The following TENM2 variants were observed in gnomAD, a reference collection of about 807,000 sequenced individuals.
TENM2 encodes the protein teneurin transmembrane protein 2.
In TENM2, 52 loss-of-function variants were observed where a neutral mutation model predicts 245.2. That is an observed-to-expected ratio of 0.21 (90% confidence interval 0.17 to 0.27). The LOEUF (loss-of-function observed/expected upper bound fraction) is 0.27. TENM2 is among the 10% of genes least tolerant of loss of function. The pLI is 1.00. For synonymous variants in TENM2, 1,363 were observed against 1,438.9 expected (o/e 0.95, Z 1.19); for missense variants, 3,046 against 3,666.8 (o/e 0.83, Z 4.37).
intron 2 of TENM2, among the ~76,000 whole-genome samples, chr5:167,382,281 T>G (rs569377524): frequency 6.6e-6 from 1 of 152,246 alleles, no homozygotes; most frequent in Admixed American, 6.5e-5. Context: ...CAGCAAATGG[T>G]TTATGGGGTC....
At chr5:167,856,155 G>A (rs1295017017) in intron 2 of TENM2, among the ~76,000 whole-genome samples, 1 of 152,076 alleles carries the variant, frequency 6.6e-6, no homozygotes, top group African/African-American at 2.4e-5. Flanking sequence ...AATGTGACCC[G>A]TTTTCTGGGA....
chr5:168,203,684 T>C lies in TENM2; in HGVS notation c.3431-5T>C, dbSNP rs139635908. 1.9e-6 allele frequency: 3 copies of C among 1,598,106 alleles called. No individual in the cohort carries two copies. The African/African-American group carries it at 4.0e-5, about 21-fold the overall frequency. The stretch of plus-strand genomic sequence containing the variant: ...TCACTCTGCCCCACCCCTTTTATCT[T>C]TCAGTGTCTGTCGGGTTTGAATATG... On this transcript the variant is annotated splice_region_variant and splice_polypyrimidine_tract_variant and intron_variant, in intron 17 of 28. Coordinates refer to ENST00000518659, the Ensembl canonical transcript of TENM2.
the TENM2 span, among the ~76,000 whole-genome samples, chr5:167,032,937 C>T: frequency 6.6e-6 from 1 of 152,114 alleles, no homozygotes; most frequent in Admixed American, 6.5e-5. Context: ...AAGGTTCCCA[C>T]AGATAAAATT....
chr5:168,200,705 A>G (rs977012234), intron 17 of TENM2, among the ~76,000 whole-genome samples: 4 of 152,196 alleles, frequency 2.6e-5, no homozygotes, highest in South Asian at 4.1e-4. Context: ...GTCACATGCT[A>G]TGTTCCAGGG....
At chr5:167,138,136 CAT>C in the TENM2 span, among the ~76,000 whole-genome samples, 2 of 152,200 alleles carry the variant, frequency 1.3e-5, no homozygotes, top group Non-Finnish European at 2.9e-5. Flanking sequence ...TCAAATCTCT[CAT>C]GTTTGCTTTC....
intron 2 of TENM2, among the ~76,000 whole-genome samples, chr5:167,809,375 C>A (rs1766462316): frequency 6.6e-6 from 1 of 152,074 alleles, no homozygotes; most frequent in Admixed American, 6.6e-5. Context: ...TATGTCATCC[C>A]ACCCATGGAT....
intron 1 of TENM2, among the ~76,000 whole-genome samples, chr5:167,350,253 T>C (rs1758743075): frequency 6.6e-6 from 1 of 152,154 alleles, no homozygotes; most frequent in Admixed American, 6.6e-5. Context: ...ATGGCAGTTA[T>C]TGGCATCAGC....
intron 2 of TENM2, among the ~76,000 whole-genome samples, chr5:167,552,032 G>A (rs983386351): frequency 2.0e-5 from 3 of 152,084 alleles, no homozygotes; most frequent in African/African-American, 7.2e-5. Context: ...GGTTTTCTGG[G>A]GAGAAAAAGC....
At chr5:167,909,985 G>T (rs1296198100) in intron 3 of TENM2, among the ~76,000 whole-genome samples, 1 of 151,194 alleles carries the variant, frequency 6.6e-6, no homozygotes, top group Non-Finnish European at 1.5e-5. Context: ...TTTTTGAAGG[G>T]CAGATTGGGC....
intron 2 of TENM2, among the ~76,000 whole-genome samples, chr5:167,736,120 G>A (rs1760779532): frequency 6.6e-6 from 1 of 152,112 alleles, no homozygotes; most frequent in Non-Finnish European, 1.5e-5. Context: ...AATCATGGTG[G>A]AAGGAGAAGC....
intron 1 of TENM2, among the ~76,000 whole-genome samples, chr5:167,339,229 A>G (rs1757956908): frequency 6.6e-6 from 1 of 152,198 alleles, no homozygotes; most frequent in African/African-American, 2.4e-5. Context: ...CTGCTGTAAC[A>G]CTGTGAAACC....
At chr5:167,609,695 T>C (rs755041915) in intron 2 of TENM2, among the ~76,000 whole-genome samples, 1 of 152,050 alleles carries the variant, frequency 6.6e-6, no homozygotes. Context: ...ATCCTTGCTA[T>C]ACTTTATTCT....
intron 2 of TENM2, among the ~76,000 whole-genome samples, chr5:167,662,428 T>A (rs1755274865): frequency 6.6e-6 from 1 of 152,156 alleles, no homozygotes; most frequent in African/African-American, 2.4e-5. Context: ...CTTAATAGAT[T>A]TTATGGTTAC....
rs143619154 is a variant in TENM2, at chr5:167,291,707, T to C, written c.226+6644T>C. On this transcript the variant is annotated intron_variant, in intron 1 of 28. Transcript: ENST00000518659. ...GTGCTTGGAGATAGCTTACAGTGAG[T>C]GCCTCCTAAACCTGATGGAATGAAT... Among the ~76,000 whole-genome samples, 8 of 152,302 alleles carry C rather than the reference T, an allele frequency of 5.3e-5. No homozygotes were observed. The East Asian group carries it at 1.5e-3, about 29-fold the overall frequency.
At chr5:168,160,612 C>T (rs1425718266) in intron 12 of TENM2, among the ~76,000 whole-genome samples, 1 of 152,202 alleles carries the variant, frequency 6.6e-6, no homozygotes, top group Non-Finnish European at 1.5e-5. Flanking sequence ...TCCAATACCA[C>T]CTTCTGGAAA....
the TENM2 span, among the ~76,000 whole-genome samples, chr5:167,202,137 ACT>A: frequency 2.1e-3 from 314 of 152,078 alleles, 1 homozygote; most frequent in African/African-American, 7.2e-3. Context: ...AACACAGCAA[ACT>A]CTCTGAACAA....
At chr5:167,155,649 C>T in the TENM2 span, among the ~76,000 whole-genome samples, 3 of 152,166 alleles carry the variant, frequency 2.0e-5, no homozygotes, top group African/African-American at 7.2e-5. Flanking sequence ...GCGCTAGGAG[C>T]TAGGAGGTTT....
At chr5:167,403,160 T>C (rs1046874143) in intron 2 of TENM2, among the ~76,000 whole-genome samples, 2 of 131,336 alleles carry the variant, frequency 1.5e-5, no homozygotes, top group African/African-American at 6.5e-5. Context: ...TGTGTGATAG[T>C]TATTATTTTT....
intron 9 of TENM2, among the ~76,000 whole-genome samples, chr5:168,101,797 G>C (rs1793834286): frequency 6.6e-6 from 1 of 152,148 alleles, no homozygotes; most frequent in Admixed American, 6.5e-5. Flanking sequence ...GTTGGTTGAA[G>C]AGTGTTAGGA....
Sources: gnomAD v4.1 joint callset for allele counts (sites outside exome capture counted in the v4.1 genomes callset) on GRCh38, gnomAD v4.1.1 for gene constraint, MANE v1.5 for transcripts, NCBI Gene and HGNC (gene_info 2026-07-23, HGNC 2026-07-21) for gene names.